Variants in ATP10B observed in about 807,000 individuals in gnomAD.
The protein encoded by ATP10B is phospholipid-transporting ATPase VB.
Under a neutral mutation model 141.2 loss-of-function variants are expected in ATP10B, and 122 were observed. The ratio of observed to expected loss-of-function variants is 0.86; its 90% CI spans 0.75 to 1.00. ATP10B has a LOEUF of 1.00. Among genes scored for constraint, ATP10B ranks in the 50% least tolerant of loss-of-function variants. The pLI, the probability that ATP10B is intolerant of heterozygous loss-of-function variation, is 0.00. For missense variants in ATP10B, 1,876 were observed against 1,825.3 expected, an observed-to-expected ratio of 1.03 and a Z score of -0.51; for synonymous variants, 685 against 692.0, an observed-to-expected ratio of 0.99 and a Z score of 0.16.
At chr5:160,596,388 T>C (rs1463508856) in intron 22 of ATP10B, among the ~76,000 whole-genome samples, 2 of 148,646 alleles carry the variant, frequency 1.3e-5, no homozygotes, top group East Asian at 3.9e-4. Context: ...TGATGGGACG[T>C]ATTTCAAAAT....
At chr5:160,617,192 T>C (rs1218894111) in intron 16 of ATP10B, among the ~76,000 whole-genome samples, 1 of 152,230 alleles carries the variant, frequency 6.6e-6, no homozygotes, top group African/African-American at 2.4e-5. Flanking sequence ...TTAGCTTTGC[T>C]TTTGGGTGAC....
chr5:160,918,626 T>G, the ATP10B span, among the ~76,000 whole-genome samples: 1 of 152,198 alleles, frequency 6.6e-6, no homozygotes, highest in Non-Finnish European at 1.5e-5. Context: ...TTTTCTCATT[T>G]CCCTTTCTTT....
chr5:160,817,818 A>G (rs1040186531), intron 1 of ATP10B, among the ~76,000 whole-genome samples: 1 of 152,238 alleles, frequency 6.6e-6, no homozygotes. Flanking sequence ...CCAATGGAAC[A>G]GAACAGAGCC....
intron 2 of ATP10B, among the ~76,000 whole-genome samples, chr5:160,733,688 CACACAT>C (rs1286091220): frequency 2.8e-5 from 2 of 70,924 alleles, no homozygotes; most frequent in African/African-American, 1.8e-4. Context: ...TATATACACA[CACACAT>C]ATATATATAT....
the ATP10B span, among the ~76,000 whole-genome samples, chr5:160,866,053 G>A: frequency 1.3e-5 from 2 of 152,044 alleles, no homozygotes; most frequent in Non-Finnish European, 2.9e-5. Context: ...TCCAACAATA[G>A]CACTACTGGG....
rs1426481019 is a variant in ATP10B, at chr5:160,589,619, C to T, written c.3723G>A (p.Leu1241=). The T allele has an allele frequency of 6.2e-7, 1 of 1,613,818 alleles. No individual in the cohort carries two copies. Among genetic ancestry groups the T allele is most frequent in the Non-Finnish European group, 8.5e-7 (1 of 1,179,976 alleles). The stretch of plus-strand genomic sequence containing the variant: ...ATGTCTTCATTTCCATTGCCTGGTG[C>T]AAAAGGATTGTGGTGAGGGAGATGG... ...INTISLTTIL[L]HQAMEMKTWT... Residue 1241 remains leucine, a synonymous_variant, in exon 24 of 26, where the codon TTG becomes TTA. Transcript: ENST00000327245.
chr5:160,625,302 G>T (rs2127654383), intron 13 of ATP10B, among the ~76,000 whole-genome samples: 1 of 152,296 alleles, frequency 6.6e-6, no homozygotes, highest in East Asian at 1.9e-4. Context: ...TTTAGTGTCT[G>T]GGCATCTCAA....
intron 2 of ATP10B, among the ~76,000 whole-genome samples, chr5:160,768,084 T>C (rs1769609805): frequency 1.3e-5 from 2 of 152,154 alleles, no homozygotes; most frequent in Non-Finnish European, 2.9e-5. Context: ...AGTCTCTTCC[T>C]TTCCTCCAGT....
chr5:160,622,251 T>A, intron 14 of ATP10B, 143 bp downstream of exon 14: 1 of 769,762 alleles, frequency 1.3e-6, no homozygotes, highest in South Asian at 2.0e-5. Context: ...AGACCTATTC[T>A]AGGTTTCACT....
chr5:160,771,323 C>T (rs1372737755), intron 2 of ATP10B, among the ~76,000 whole-genome samples: 2 of 152,156 alleles, frequency 1.3e-5, no homozygotes, highest in Non-Finnish European at 2.9e-5. Context: ...TTCCTAAATA[C>T]TGTCTAATAA....
At chr5:160,629,731 C>T (rs1028580374) in intron 13 of ATP10B, among the ~76,000 whole-genome samples, 1 of 152,202 alleles carries the variant, frequency 6.6e-6, no homozygotes, top group African/African-American at 2.4e-5. Context: ...CAATTGTCTT[C>T]ATTTTAACAA....
At chr5:160,636,474 T>C (rs1389945332) in intron 10 of ATP10B, among the ~76,000 whole-genome samples, 165 bp from the exon 11 acceptor site, 1 of 152,214 alleles carries the variant, frequency 6.6e-6, no homozygotes, top group East Asian at 1.9e-4. Context: ...TGTATGTGCA[T>C]GTGTTCATGT....
At chr5:160,874,543 T>A in the ATP10B span, among the ~76,000 whole-genome samples, 1 of 152,076 alleles carries the variant, frequency 6.6e-6, no homozygotes, top group Non-Finnish European at 1.5e-5. Context: ...AGAATGACTT[T>A]GACGAGCTGA....
intron 1 of ATP10B, among the ~76,000 whole-genome samples, chr5:160,846,728 T>C (rs974308435): frequency 6.6e-6 from 1 of 152,208 alleles, no homozygotes; most frequent in African/African-American, 2.4e-5. Context: ...GTTCAACTCA[T>C]ATGAAATGCT....
intron 15 of ATP10B, among the ~76,000 whole-genome samples, chr5:160,618,822 G>A (rs1044936501): frequency 2.6e-5 from 4 of 151,320 alleles, no homozygotes; most frequent in African/African-American, 9.7e-5. Flanking sequence ...TTGTAAAACT[G>A]AGCTAGGCTT....
chr5:160,895,066 G>T, the ATP10B span, among the ~76,000 whole-genome samples: 2,320 of 152,158 alleles, frequency 0.015, 59 homozygotes, highest in African/African-American at 0.053. Context: ...ACTAAACATG[G>T]AAAGTAACAA....
At chr5:160,907,511 G>A in the ATP10B span, among the ~76,000 whole-genome samples, 10 of 152,098 alleles carry the variant, frequency 6.6e-5, no homozygotes, top group East Asian at 1.9e-3. Flanking sequence ...AGGTGTGTGT[G>A]ACTGCGCCCA....
the ATP10B span, among the ~76,000 whole-genome samples, chr5:160,919,223 C>CAAAAAAAAAA: frequency 7.1e-3 from 192 of 26,942 alleles, 21 homozygotes; most frequent in East Asian, 9.9e-3. Flanking sequence ...AACTCCGTCT[C>CAAAAAAAAAA]AAAAAAAAAA....
chr5:160,586,145 C>A (rs981037580), intron 24 of ATP10B, among the ~76,000 whole-genome samples: 1 of 152,144 alleles, frequency 6.6e-6, no homozygotes, highest in Admixed American at 6.5e-5. Context: ...CACCTCCTGA[C>A]AGTCCCCAGT....
Sources: allele counts gnomAD v4.1 joint callset (sites outside exome capture counted in the v4.1 genomes callset), GRCh38; gene constraint gnomAD v4.1.1; transcripts MANE v1.5; gene names NCBI Gene and HGNC (gene_info 2026-07-23, HGNC 2026-07-21).